The following LIG1 variants were observed in gnomAD, a reference collection of about 807,000 sequenced individuals.
LIG1 encodes ligase I, DNA, ATP-dependent.
Under a neutral mutation model 115.7 loss-of-function variants are expected in LIG1, and 70 were observed. The observed-to-expected ratio is 0.60, with a 90% CI of 0.50 to 0.74. The LOEUF is 0.74. Among genes scored for constraint, LIG1 ranks in the 30% least tolerant of loss-of-function variants. LIG1 has a pLI of 0.00. For missense variants in LIG1, 1,115 were observed against 1,225.6 expected (o/e 0.91, Z 1.35); for synonymous variants, 487 against 495.3 (o/e 0.98, Z 0.22).
At chr19:48,128,554 C>T (rs540147212) in intron 19 of LIG1, among the ~76,000 whole-genome samples, 79 of 152,370 alleles carry the variant, frequency 5.2e-4, no homozygotes, top group African/African-American at 1.8e-3. Context: ...CACCCCAGCA[C>T]GTGAGCCTCT....
At chr19:48,135,633 A>C in intron 16 of LIG1, 47 bp downstream of exon 16, 4 of 1,392,260 alleles carry the variant, frequency 2.9e-6, no homozygotes, top group Non-Finnish European at 3.1e-6. Flanking sequence ...CCACCCTGGC[A>C]CTCTGCCCAC....
At chr19:48,123,730 G>A in intron 21 of LIG1, 1 of 297,488 alleles carries the variant, frequency 3.4e-6, no homozygotes, top group Non-Finnish European at 6.5e-6. Flanking sequence ...CGACTGTCTT[G>A]CGTCGGCCTC....
intron 19 of LIG1, among the ~76,000 whole-genome samples, chr19:48,130,778 A>G (rs1344860169): frequency 1.3e-5 from 2 of 152,234 alleles, no homozygotes; most frequent in Non-Finnish European, 2.9e-5. Flanking sequence ...GGGGACAAGC[A>G]TTGGCACTAA....
intron 17 of LIG1, chr19:48,133,301 T>C: frequency 1.7e-6 from 1 of 593,838 alleles, no homozygotes; most frequent in Non-Finnish European, 3.0e-6. Context: ...AAAGGCCATG[T>C]GATTGGAACC....
At position 48,140,038 on chromosome 19, in the gene LIG1, T is replaced by C. The variant is rs778052224; in HGVS notation, c.1020A>G (p.Pro340=). Residue 340 remains proline (P), a synonymous_variant, in exon 12 of 28, where the codon CCA becomes CCG. Coordinates refer to ENST00000263274, the MANE Select transcript of LIG1 (RefSeq NM_000234.3). ...VLYLSLNHLG[P]PQQGLELGVG... ...CGCCAAGCTCCAGGCCCTGCTGGGGTGGCCCAAGGTGGTTGAGGCTGAGGT... is the reference window on the plus strand; with the variant it reads ...CGCCAAGCTCCAGGCCCTGCTGGGGCGGCCCAAGGTGGTTGAGGCTGAGGT... The C allele has an allele frequency of 1.8e-5, 29 of 1,613,892 alleles. No individual in the cohort carries two copies. The highest frequency in any genetic ancestry group is 1.5e-4 in the Admixed American group (9 of 59,984).
intron 16 of LIG1, 69 bp from the exon 17 acceptor site, chr19:48,134,135 C>G: frequency 7.1e-7 from 1 of 1,409,892 alleles, no homozygotes. Flanking sequence ...AAAGAGAGCT[C>G]GGCCTGCTCC....
At chr19:48,123,614 T>C (rs943499915) in intron 21 of LIG1, 2 of 460,336 alleles carry the variant, frequency 4.3e-6, no homozygotes, top group Non-Finnish European at 8.0e-6. Context: ...TCATCAGTTT[T>C]GTTTTTTGTT....
At chr19:48,142,453 A>AAAAAAAAAAAAAAAAAAAAC (rs1568516612) in intron 11 of LIG1, among the ~76,000 whole-genome samples, 6 of 150,588 alleles carry the variant, frequency 4.0e-5, no homozygotes, top group Non-Finnish European at 7.4e-5. Flanking sequence ...AAAAAAAAAA[A>AAAAAAAAAAAAAAAAAAAAC]AAAACAGAGT....
intron 6 of LIG1, 52 bp from the exon 7 acceptor site, chr19:48,151,391 A>G (rs765636922): frequency 4.4e-6 from 5 of 1,138,260 alleles, no homozygotes; most frequent in Non-Finnish European, 1.3e-6. Flanking sequence ...TGAACCTACA[A>G]GGGCATTTTG....
intron 4 of LIG1, 78 bp downstream of exon 4, chr19:48,161,294 C>G: frequency 1.3e-6 from 2 of 1,594,402 alleles, no homozygotes; most frequent in South Asian, 2.2e-5. Context: ...TTCTCCTGAA[C>G]AGCTGCTGCA....
chr19:48,149,692 G>T, intron 9 of LIG1, 71 bp downstream of exon 9: 1 of 1,197,516 alleles, frequency 8.4e-7, no homozygotes, highest in Non-Finnish European at 1.2e-6. Context: ...CTGAGCTGGG[G>T]GTGGGGCTGT....
chr19:48,150,324 C>T (rs976932256), intron 7 of LIG1, 114 bp from the exon 8 acceptor site: 4 of 1,475,872 alleles, frequency 2.7e-6, no homozygotes, highest in Non-Finnish European at 3.7e-6. Context: ...TATAACTACA[C>T]CTACCCTTTT....
chr19:48,159,414 T>C (rs1398872520), intron 4 of LIG1, among the ~76,000 whole-genome samples: 2 of 152,182 alleles, frequency 1.3e-5, no homozygotes, highest in East Asian at 3.9e-4. Flanking sequence ...GATCTCTGCC[T>C]CTCTTCTGCC....
intron 6 of LIG1, among the ~76,000 whole-genome samples, chr19:48,153,192 CAAAAAAAAAA>C (rs776965171): frequency 3.1e-5 from 2 of 64,422 alleles, no homozygotes; most frequent in Non-Finnish European, 6.8e-5. Flanking sequence ...GAGACTGTCT[CAAAAAAAAAA>C]AAAAAAAAAA....
At chr19:48,129,376 T>C (rs536135436) in intron 19 of LIG1, among the ~76,000 whole-genome samples, 24 of 152,328 alleles carry the variant, frequency 1.6e-4, no homozygotes, top group African/African-American at 5.5e-4. Context: ...GCTCACAGAA[T>C]GCTGGTCCTT....
intron 6 of LIG1, among the ~76,000 whole-genome samples, chr19:48,151,557 G>A (rs1428327710): frequency 1.3e-5 from 2 of 152,130 alleles, no homozygotes; most frequent in Non-Finnish European, 2.9e-5. Context: ...AGCCTCCCGA[G>A]TAGCTGGGAT....
At chr19:48,120,096 C>T (rs2033162109) in intron 24 of LIG1, 2 of 792,408 alleles carry the variant, frequency 2.5e-6, no homozygotes, top group Non-Finnish European at 3.1e-6. Context: ...GTGGCCAAAA[C>T]ATTTGTGATT....
At chr19:48,166,729 G>A (rs2036502123) in intron 1 of LIG1, among the ~76,000 whole-genome samples, 1 of 152,124 alleles carries the variant, frequency 6.6e-6, no homozygotes, top group African/African-American at 2.4e-5. Flanking sequence ...CCAGCATTTT[G>A]GGAGGCCGAA....
chr19:48,159,874 C>T (rs1237999400), intron 4 of LIG1, among the ~76,000 whole-genome samples: 6 of 152,302 alleles, frequency 3.9e-5, no homozygotes, highest in East Asian at 1.9e-4. Context: ...CCCGCCACCA[C>T]GCCCAGCTAA....
Sources: gnomAD v4.1 joint callset for allele counts (sites outside exome capture counted in the v4.1 genomes callset) on GRCh38, gnomAD v4.1.1 for gene constraint, MANE v1.5 for transcripts, NCBI Gene and HGNC (gene_info 2026-07-23, HGNC 2026-07-21) for gene names.